Variants in ZNF385C observed in about 807,000 individuals in gnomAD.
ZNF385C encodes CTD-2132N18.2.
A neutral mutation model predicts 35.4 loss-of-function variants in ZNF385C; 28 were observed. The ratio of observed to expected loss-of-function variants is 0.79; its 90% confidence interval spans 0.59 to 1.08. The LOEUF is 1.08. Ranked by LOEUF, ZNF385C falls within the 50% of genes least tolerant of loss-of-function variation. ZNF385C has a pLI of 0.00. For synonymous variants in ZNF385C, 248 were observed against 248.2 expected, an observed-to-expected ratio of 1.00 and a Z score of 0.01; for missense variants, 605 against 595.6, an observed-to-expected ratio of 1.02 and a Z score of -0.16.
chr17:42,053,102 A>G (rs73309780), intron 2 of ZNF385C, among the ~76,000 whole-genome samples: 5,168 of 152,208 alleles, frequency 0.034, 266 homozygotes, highest in African/African-American at 0.12. Context: ...CAGAGCCCCC[A>G]AGCCACTTCT....
At chr17:42,076,723 C>T (rs1385307279) in intron 1 of ZNF385C, among the ~76,000 whole-genome samples, 4 of 152,170 alleles carry the variant, frequency 2.6e-5, no homozygotes, top group African/African-American at 9.7e-5. Context: ...GATTTGGACC[C>T]CATTGGATGA....
rs1555660452 is a variant in ZNF385C, at chr17:42,090,629, TCACGCCTGTA to T, written c.-3+7771_-3+7780del. On this transcript the variant is annotated intron_variant, in intron 1 of 8. Coordinates refer to ENST00000692273, the MANE Select transcript of ZNF385C (RefSeq NM_001392013.1). ...CCTATCTTAGGCTGGGCACGGTGGC[TCACGCCTGTA>T]ATCCCAGCACTTTGGGAAGCAGAGG... is the stretch of plus-strand genomic sequence containing the variant. Among the ~76,000 whole-genome samples, 3 of 147,488 alleles carry T rather than the reference TCACGCCTGTA, an allele frequency of 2.0e-5. No individual in the cohort carries two copies. The East Asian group carries it at 6.9e-4, about 34-fold the overall frequency.
At chr17:42,059,640 AAGAC>A (rs1247214958) in intron 2 of ZNF385C, among the ~76,000 whole-genome samples, 2 of 88,130 alleles carry the variant, frequency 2.3e-5, no homozygotes, top group Non-Finnish European at 5.0e-5. Context: ...TTGTTTGTTT[AAGAC>A]AGAGTCTCAT....
At chr17:42,085,736 T>C (rs537049061) in intron 1 of ZNF385C, among the ~76,000 whole-genome samples, 1 of 152,126 alleles carries the variant, frequency 6.6e-6, no homozygotes, top group East Asian at 2.0e-4. Flanking sequence ...TAGCTGGGAT[T>C]ACAGGCGTCT....
chr17:42,077,288 G>A (rs1246385616), intron 1 of ZNF385C, among the ~76,000 whole-genome samples: 4 of 152,194 alleles, frequency 2.6e-5, no homozygotes, highest in Non-Finnish European at 5.9e-5. Context: ...AGGTAACGGT[G>A]TAGAGGATGG....
chr17:42,074,156 T>A (rs2053660997), intron 1 of ZNF385C, among the ~76,000 whole-genome samples: 2 of 152,242 alleles, frequency 1.3e-5, no homozygotes, highest in South Asian at 4.1e-4. Context: ...TCTCTCAGGT[T>A]GTAATTCTTT....
At chr17:42,030,441 T>C (rs561460367) in intron 5 of ZNF385C, among the ~76,000 whole-genome samples, 1 of 152,182 alleles carries the variant, frequency 6.6e-6, no homozygotes, top group East Asian at 1.9e-4. Context: ...TGAGCCAAGA[T>C]TGCACCGCTG....
chr17:42,028,351 G>T, intron 6 of ZNF385C, 105 bp from the exon 7 acceptor site: 1 of 1,163,754 alleles, frequency 8.6e-7, no homozygotes, highest in Non-Finnish European at 1.2e-6. Flanking sequence ...AAGCCTCACG[G>T]CTGCTCTGTG....
intron 1 of ZNF385C, among the ~76,000 whole-genome samples, chr17:42,068,345 G>A (rs150441667): frequency 6.6e-6 from 1 of 152,284 alleles, no homozygotes; most frequent in Non-Finnish European, 1.5e-5. Flanking sequence ...TCCAGAGCAG[G>A]GCAGTGGACT....
At position 42,050,806 on chromosome 17, in the gene ZNF385C, G is replaced by T. The variant is rs1248034240; in HGVS notation, c.250+12001C>A. On this transcript the variant is annotated intron_variant, in intron 2 of 8. Coordinates refer to ENST00000692273, the MANE Select transcript of ZNF385C (RefSeq NM_001392013.1). The surrounding 1 kb of genome is among the most constrained non-coding windows in gnomAD (Gnocchi z 5.6). Reference sequence around the variant, plus strand: ...CCCCAGCCCCTGCCGCCCCACGCGCGGCAGCAGGAGCCAGAGGCTAGACCG... The same window carrying T: ...CCCCAGCCCCTGCCGCCCCACGCGCTGCAGCAGGAGCCAGAGGCTAGACCG... Among the ~76,000 whole-genome samples, 1 of 151,520 alleles carries T rather than the reference G, an allele frequency of 6.6e-6. No individual in the cohort carries two copies. Among genetic ancestry groups the T allele is most frequent in the African/African-American group, 2.4e-5 (1 of 41,360 alleles).
In ZNF385C at chr17:42,029,392, C is replaced by T. The variant is rs141202136; in HGVS notation, c.677-319G>A. ...AATATCATAAAACTGAAACTACCCACATGTCCACCAACAGGAGAGCAGATT... is the reference window on the plus strand; with the variant it reads ...AATATCATAAAACTGAAACTACCCATATGTCCACCAACAGGAGAGCAGATT... On this transcript the variant is annotated intron_variant, in intron 5 of 8. Transcript: ENST00000692273. Among the ~76,000 whole-genome samples the T allele has an allele frequency of 9.8e-5, 15 of 152,346 alleles. 1 individual carries two copies. The East Asian group carries it at 2.9e-3, about 29-fold the overall frequency.
chr17:42,065,942 A>G (rs1323990240), intron 1 of ZNF385C, among the ~76,000 whole-genome samples: 5 of 151,936 alleles, frequency 3.3e-5, no homozygotes, highest in African/African-American at 4.8e-5. Context: ...AATGGGAGTG[A>G]TCAATAACAG....
intron 2 of ZNF385C, among the ~76,000 whole-genome samples, chr17:42,049,676 C>G (rs1320938169): frequency 6.6e-6 from 1 of 152,240 alleles, no homozygotes; most frequent in Non-Finnish European, 1.5e-5. Context: ...TGATGCCCTT[C>G]TGGAATTTTG....
intron 2 of ZNF385C, among the ~76,000 whole-genome samples, chr17:42,041,714 G>A (rs1053873939): frequency 1.9e-4 from 29 of 152,052 alleles, no homozygotes; most frequent in African/African-American, 7.0e-4. Context: ...GTCACCCTGG[G>A]TCCCAGCTGT....
intron 5 of ZNF385C, among the ~76,000 whole-genome samples, chr17:42,030,751 C>G (rs371514971): frequency 6.6e-6 from 1 of 151,938 alleles, no homozygotes; most frequent in Admixed American, 6.6e-5. Flanking sequence ...ATGCTGGGTT[C>G]GGGTGGGATT....
Position 42,026,282 on chromosome 17 carries a change from C to T in ZNF385C, c.*615G>A, listed in dbSNP as rs2052577110. On this transcript the variant is annotated 3_prime_UTR_variant, in exon 9 of 9. Coordinates refer to ENST00000692273, the MANE Select transcript of ZNF385C (RefSeq NM_001392013.1). ...GGGCCCAACCAGAACATCACCTCCT[C>T]TCTTAGTCCCACCCCTTCAGAGCAG... is the stretch of plus-strand genomic sequence containing the variant. 1 of 154,932 alleles carries T rather than the reference C, an allele frequency of 6.5e-6. No individual in the cohort carries two copies. Among genetic ancestry groups the T allele is most frequent in the African/African-American group, 2.4e-5 (1 of 41,466 alleles). The allele number at this position is 154,932 out of a possible 1,614,324, so 9.6% of individuals were successfully genotyped here.
chr17:42,055,685 G>A (rs1322889009), intron 2 of ZNF385C, among the ~76,000 whole-genome samples: 4 of 152,264 alleles, frequency 2.6e-5, no homozygotes, highest in South Asian at 2.1e-4. Flanking sequence ...GAGGGCTTCC[G>A]GGGCCTCCTG....
intron 1 of ZNF385C, among the ~76,000 whole-genome samples, chr17:42,075,533 C>T (rs1351383154): frequency 4.3e-5 from 6 of 140,594 alleles, no homozygotes; most frequent in Admixed American, 7.6e-5. Context: ...CTTGCTCTGT[C>T]GCCCAGGCTG....
chr17:42,029,590 T>G (rs1188963474), intron 5 of ZNF385C, among the ~76,000 whole-genome samples: 1 of 152,150 alleles, frequency 6.6e-6, no homozygotes, highest in Non-Finnish European at 1.5e-5. Flanking sequence ...GGCACATGCC[T>G]ATAATCCCAG....
Sources: allele counts gnomAD v4.1 joint callset (sites outside exome capture counted in the v4.1 genomes callset), GRCh38; gene constraint gnomAD v4.1.1; non-coding constraint Gnocchi (gnomAD v3.1); transcripts MANE v1.5; gene names NCBI Gene and HGNC (gene_info 2026-07-23, HGNC 2026-07-21).